MIDN: variants seen among roughly 807,000 people sequenced by gnomAD.
The protein encoded by MIDN is midbrain nucleolar protein.
Under a neutral mutation model 46.1 loss-of-function variants are expected in MIDN, and 26 were observed. That is an observed-to-expected ratio of 0.56 (90% CI 0.41 to 0.78). MIDN has a LOEUF of 0.78. MIDN is among the 30% of genes least tolerant of loss of function. The pLI, the probability that MIDN is intolerant of heterozygous loss-of-function variation, is 0.00. For synonymous variants in MIDN, 432 were observed against 343.3 expected, an observed-to-expected ratio of 1.26 and a Z score of -2.86; for missense variants, 850 against 771.8, an observed-to-expected ratio of 1.10 and a Z score of -1.20.
rs941670480 is a variant in MIDN at position 1,254,398 on chromosome 19, A to C, written c.745A>C (p.Thr249Pro). ...SSAARVPPVP[T>P]SPSPASPSPI... The stretch of plus-strand genomic sequence containing the variant: ...TGCCGCCCGAGTCCCCCCGGTGCCC[A>C]CCAGCCCGTCCCCTGCATCTCCCTC... Residue 249 changes from threonine (T) to proline (P), a missense_variant, in exon 6 of 9, where the codon ACC becomes CCC. By Grantham distance (38) the Thr-to-Pro change is conservative. Transcript: ENST00000682408. The C allele has an allele frequency of 1.3e-6, 2 of 1,562,438 alleles. No individual in the cohort carries two copies. Among genetic ancestry groups the C allele is most frequent in the Admixed American group, 3.6e-5 (2 of 55,646 alleles).
At chr19:1,251,309 C>T in intron 2 of MIDN, 1 of 514,876 alleles carries the variant, frequency 1.9e-6, no homozygotes, top group South Asian at 2.5e-5. Flanking sequence ...GGTTGGGGTG[C>T]AGAGGGGGTG....
rs201923047 is a variant in MIDN at position 1,255,006 on chromosome 19, C to T, written c.930C>T (p.Ala310=). ...CCCCCCGCTCCCGAAAACCCGGCGC[C>T]GTCATCGAGAGCTTTGTGAATCACG... ...SPAPRSRKPG[A]VIESFVNHAP... is the part of the protein sequence containing the mutation. The change falls in exon 7 of 9, where the codon GCC becomes GCT. Residue 310 remains alanine, a synonymous_variant. Coordinates refer to ENST00000682408, the MANE Select transcript of MIDN (RefSeq NM_001388306.1). 485 of 1,613,164 alleles carry T rather than the reference C, an allele frequency of 3.0e-4. No individual in the cohort carries two copies. The highest frequency in any genetic ancestry group is 3.9e-4 in the Non-Finnish European group (455 of 1,179,896).
At position 1,250,423 on chromosome 19, in the gene MIDN, T is replaced by C; in HGVS notation, c.127T>C (p.Tyr43His). ...CATCCACAGCACCACGGGCACCCGC[T>C]ACGACCTGGCCGTGCCGCCCGACGA... Reference protein sequence around the residue: ...LAIHSTTGTRYDLAVPPDETV... With the variant: ...LAIHSTTGTRHDLAVPPDETV... The change falls in exon 2 of 9, where the codon TAC (tyrosine) becomes CAC (histidine). Residue 43 changes from tyrosine to histidine, a missense_variant. Transcript: ENST00000682408. The C allele has an allele frequency of 2.2e-6, 3 of 1,367,914 alleles. No individual in the cohort carries two copies. Among genetic ancestry groups the C allele is most frequent in the Middle Eastern group, 2.2e-4 (1 of 4,550 alleles). 84.7% of individuals were successfully genotyped at this position (1,367,914 alleles called of 1,614,324 possible). A position where few individuals can be genotyped will look rare whatever the true frequency, so the allele number is the denominator to read the frequency against.
intron 4 of MIDN, 72 bp downstream of exon 4, chr19:1,251,973 G>T: frequency 7.5e-7 from 1 of 1,335,430 alleles, no homozygotes; most frequent in East Asian, 2.5e-5. Flanking sequence ...GACGGGGCCT[G>T]GGGGTTGTCT....
In MIDN at chr19:1,252,026, C is replaced by A. The variant is rs1442492173; in HGVS notation, c.384+125C>A. ...GGGGAGGGGAGGGGACGCGCCACCC[C>A]GCCTGGGTGCCAGCCTGGCCTGGCC... On this transcript the variant is annotated intron_variant, in intron 4 of 8. Transcript: ENST00000682408. 4 of 776,142 alleles carry A rather than the reference C, an allele frequency of 5.2e-6. No individual in the cohort carries two copies. The East Asian group carries it at 8.2e-5, about 16-fold the overall frequency. The allele number at this position is 776,142 out of a possible 1,614,324, so 48.1% of individuals were successfully genotyped here. A position where few individuals can be genotyped will look rare whatever the true frequency, so the allele number is the denominator to read the frequency against.
At chr19:1,256,818 A>C (rs997834201) in intron 8 of MIDN, among the ~76,000 whole-genome samples, 177 bp from the exon 9 acceptor site, 2 of 152,128 alleles carry the variant, frequency 1.3e-5, no homozygotes, top group African/African-American at 4.8e-5. Context: ...CTGAGATTAC[A>C]GGCGTGAACC....
Position 1,250,332 on chromosome 19 carries a change from G to T in MIDN, c.36G>T (p.Arg12=). 9.8e-7 allele frequency: 1 copy of T among 1,020,038 alleles called. No homozygotes were observed. The highest frequency in any genetic ancestry group is 1.2e-6 in the Non-Finnish European group (1 of 854,036). The allele number at this position is 1,020,038 out of a possible 1,614,324, so 63.2% of individuals were successfully genotyped here. The change falls in exon 2 of 9, where the codon CGG becomes CGT. Residue 12 remains arginine, a synonymous_variant. Transcript: ENST00000682408. ...EPQPGGARSC[R]RGAPGGACEL... is the part of the protein sequence containing the mutation. Reference sequence around the variant, plus strand: ...AGCCCGGCGGCGCCCGGAGCTGCCGGCGCGGGGCCCCCGGCGGCGCCTGCG... The same window carrying T: ...AGCCCGGCGGCGCCCGGAGCTGCCGTCGCGGGGCCCCCGGCGGCGCCTGCG...
At chr19:1,255,803 G>C (rs939776473) in intron 8 of MIDN, 109 bp downstream of exon 8, 5 of 1,101,102 alleles carry the variant, frequency 4.5e-6, no homozygotes, top group Admixed American at 2.9e-5. Context: ...CAGGGGCTGG[G>C]GGGGATGGCA....
chr19:1,253,489 C>A (rs1025082611), intron 4 of MIDN, among the ~76,000 whole-genome samples: 1 of 147,756 alleles, frequency 6.8e-6, no homozygotes, highest in Non-Finnish European at 1.5e-5. Context: ...GGGGGCTTGG[C>A]GAGGACAGGG....
At chr19:1,256,236 C>T (rs1053783746) in intron 8 of MIDN, among the ~76,000 whole-genome samples, 2 of 152,346 alleles carry the variant, frequency 1.3e-5, no homozygotes, top group Non-Finnish European at 2.9e-5. Flanking sequence ...GTAATCCCAG[C>T]ACTTTGGGAG....
In MIDN at chr19:1,254,369, C is replaced by T. The variant is rs1425659993; in HGVS notation, c.716C>T (p.Ser239Phe). 2 of 1,561,390 alleles carry T rather than the reference C, an allele frequency of 1.3e-6. No individual in the cohort carries two copies. The highest frequency in any genetic ancestry group is 1.7e-6 in the Non-Finnish European group (2 of 1,160,490). The change falls in exon 6 of 9, where the codon TCC becomes TTC. Residue 239 changes from serine (S) to phenylalanine (F), a missense_variant. By Grantham distance (155) the Ser-to-Phe change is radical. Transcript: ENST00000682408. ...GTGTCCTCGCCCTGCCGGCCGGTGT[C>T]CAGTGCCGCCCGAGTCCCCCCGGTG... ...SPVSSPCRPV[S>F]SAARVPPVPT...
At chr19:1,252,904 T>G (rs1179900503) in intron 4 of MIDN, among the ~76,000 whole-genome samples, 1 of 152,028 alleles carries the variant, frequency 6.6e-6, no homozygotes, top group Non-Finnish European at 1.5e-5. Flanking sequence ...GGGCGGGGGC[T>G]GCAGGTGATT....
At chr19:1,255,208 C>G in intron 7 of MIDN, 147 bp downstream of exon 7, 1 of 1,178,686 alleles carries the variant, frequency 8.5e-7, no homozygotes, top group South Asian at 1.5e-5. Flanking sequence ...CCAGGAATCC[C>G]CCACACACAC....
At position 1,256,995 on chromosome 19, in the gene MIDN, G is replaced by T. The variant is rs1301207246; in HGVS notation, c.1259G>T (p.Gly420Val). The T allele has an allele frequency of 1.2e-6, 2 of 1,608,630 alleles. No homozygotes were observed. Among genetic ancestry groups the T allele is most frequent in the South Asian group, 2.2e-5 (2 of 91,072 alleles). The change falls in exon 9 of 9, where the codon GGG becomes GTG. Residue 420 changes from glycine (G) to valine (V), a missense_variant and splice_region_variant. Coordinates refer to ENST00000682408, the MANE Select transcript of MIDN (RefSeq NM_001388306.1). ...QSQIRMCKPP[G>V]DRLRQTENRA... is the part of the protein sequence containing the mutation. ...TCACAGGCCACTACCTCCTTTGCAGGGGACCGGCTTCGGCAGACAGAAAAC... is the reference window on the plus strand; with the variant it reads ...TCACAGGCCACTACCTCCTTTGCAGTGGACCGGCTTCGGCAGACAGAAAAC...
rs779622733 is a variant in MIDN at position 1,255,711 on chromosome 19, G to C, written c.1258+17G>C. ...AGCCCCCGGGTGAGTGGCCACCCTCGGGGGTCCTACCTTCCCCGCCCGCCT... is the reference window on the plus strand; with the variant it reads ...AGCCCCCGGGTGAGTGGCCACCCTCCGGGGTCCTACCTTCCCCGCCCGCCT... On this transcript the variant is annotated intron_variant, in intron 8 of 8. Coordinates refer to ENST00000682408, the MANE Select transcript of MIDN (RefSeq NM_001388306.1). 166 of 1,544,480 alleles carry C rather than the reference G, an allele frequency of 1.1e-4. No individual in the cohort carries two copies. The highest frequency in any genetic ancestry group is 1.3e-4 in the Admixed American group (7 of 54,360).
rs371942869 is a variant in MIDN, at chr19:1,254,349, C to T, written c.696C>T (p.Ser232=). ...ACCCCAGCATAGCCTCCCCCGTGTC[C>T]TCGCCCTGCCGGCCGGTGTCCAGTG... ...RGDPSIASPV[S]SPCRPVSSAA... Residue 232 remains serine (S), a synonymous_variant, in exon 6 of 9, where the codon TCC becomes TCT. Coordinates refer to ENST00000682408, the MANE Select transcript of MIDN (RefSeq NM_001388306.1). 43 of 1,564,252 alleles carry T rather than the reference C, an allele frequency of 2.7e-5. No homozygotes were observed. The Admixed American group carries it at 4.5e-4, about 16-fold the overall frequency.
intron 8 of MIDN, among the ~76,000 whole-genome samples, chr19:1,256,084 A>G (rs1380276004): frequency 1.3e-5 from 2 of 152,126 alleles, no homozygotes; most frequent in Admixed American, 1.3e-4. Context: ...GGCCCCAGCT[A>G]CTCCCAAACG....
chr19:1,254,196 A>G lies in MIDN; in HGVS notation c.543A>G (p.Pro181=), dbSNP rs774490919. 1 of 1,598,838 alleles carries G rather than the reference A, an allele frequency of 6.3e-7. No individual in the cohort carries two copies. Among genetic ancestry groups the G allele is most frequent in the Non-Finnish European group, 8.5e-7 (1 of 1,177,882 alleles). The part of the protein sequence containing the change: ...QVSDFLSGRS[P]LTLALRVGDH... ...GTGACTTCCTGTCGGGCCGTTCGCCACTGACACTGGCCTTGCGTGTGGGCG... is the reference window on the plus strand; with the variant it reads ...GTGACTTCCTGTCGGGCCGTTCGCCGCTGACACTGGCCTTGCGTGTGGGCG... The change falls in exon 6 of 9, where the codon CCA becomes CCG. Residue 181 remains proline (P), a synonymous_variant. Coordinates refer to ENST00000682408, the MANE Select transcript of MIDN (RefSeq NM_001388306.1).
Position 1,257,471 on chromosome 19 carries a change from TG to T in MIDN, c.*202del. Reference sequence around the variant, plus strand: ...TGACCGTGGTTTCCTGGACTCTTCATGGGCTTTGCTTCCTACCTCCTTCACC... The same window carrying T: ...TGACCGTGGTTTCCTGGACTCTTCATGGCTTTGCTTCCTACCTCCTTCACC... On this transcript the variant is annotated 3_prime_UTR_variant, in exon 9 of 9. Coordinates refer to ENST00000682408, the MANE Select transcript of MIDN (RefSeq NM_001388306.1). The T allele has an allele frequency of 1.8e-6, 1 of 546,054 alleles. No homozygotes were observed. Among genetic ancestry groups the T allele is most frequent in the East Asian group, 3.2e-5 (1 of 31,104 alleles). The allele number at this position is 546,054 out of a possible 1,614,324, so 33.8% of individuals were successfully genotyped here. A position where few individuals can be genotyped will look rare whatever the true frequency, so the allele number is the denominator to read the frequency against.
Sources: allele counts gnomAD v4.1 joint callset (sites outside exome capture counted in the v4.1 genomes callset), GRCh38; gene constraint gnomAD v4.1.1; transcripts MANE v1.5; gene names NCBI Gene and HGNC (gene_info 2026-07-23, HGNC 2026-07-21).